Variants in ZNF518A observed in about 807,000 individuals in gnomAD.
ZNF518A encodes zinc finger protein 518A, also known as zinc finger protein 518.
Under a neutral mutation model 102.7 loss-of-function variants are expected in ZNF518A, and 47 were observed. The observed-to-expected ratio is 0.46, with a 90% CI of 0.36 to 0.58. ZNF518A has a LOEUF of 0.58. ZNF518A is among the 20% of genes least tolerant of loss of function. ZNF518A has a pLI of 0.00. For synonymous variants in ZNF518A, 652 were observed against 594.6 expected, an observed-to-expected ratio of 1.10 and a Z score of -1.40; for missense variants, 1,793 against 1,699.8, an observed-to-expected ratio of 1.05 and a Z score of -0.96.
chr10:96,146,067 T>C (rs1272212404), intron 3 of ZNF518A, among the ~76,000 whole-genome samples: 2 of 152,226 alleles, frequency 1.3e-5, no homozygotes, highest in Non-Finnish European at 2.9e-5. Flanking sequence ...TCTATCAGTA[T>C]TTGAACAAAT....
intron 1 of ZNF518A, among the ~76,000 whole-genome samples, chr10:96,187,609 ATGTCTAT>A (rs1398801996): frequency 5.9e-5 from 9 of 152,206 alleles, no homozygotes; most frequent in African/African-American, 2.2e-4. Context: ...TAGCTTTTTC[ATGTCTAT>A]TGTCCTTTTG....
At chr10:96,172,770 G>A (rs587607500) in intron 1 of ZNF518A, among the ~76,000 whole-genome samples, 2 of 151,904 alleles carry the variant, frequency 1.3e-5, no homozygotes, top group Admixed American at 1.3e-4. Flanking sequence ...AACAAAAAAG[G>A]AATGAAACCT....
At position 96,160,590 on chromosome 10, in the gene ZNF518A, A is replaced by G. The variant is rs782245330; in HGVS notation, c.4268A>G (p.Lys1423Arg). ...VSSVKERFVL[K>R]LTLKKTSKNN... ...TCTGTGAAAGAAAGATTTGTGCTAA[A>G]ATTAACACTCAAAAAGACAAGCAAA... Residue 1423 changes from lysine (K) to arginine (R), a missense_variant, in exon 6 of 6, where the codon AAA becomes AGA. Transcript: ENST00000316045. The G allele has an allele frequency of 6.2e-7, 1 of 1,612,244 alleles. No individual in the cohort carries two copies. The highest frequency in any genetic ancestry group is 2.2e-5 in the East Asian group (1 of 44,858).
In ZNF518A at chr10:96,156,404, G is replaced by A. The variant is rs2133763879; in HGVS notation, c.82G>A (p.Val28Ile). Residue 28 changes from valine to isoleucine, a missense_variant, in exon 6 of 6, where the codon GTT (valine) becomes ATT (isoleucine). Val to Ile is a conservative substitution (Grantham distance 29, BLOSUM62 3). This residue lies in a region of ZNF518A where 1,741 missense variants were observed against 1,622.6 expected (regional missense o/e 1.07). Transcript: ENST00000316045. ...KKDYDVKNEI[V>I]DRSAPKPKIS... ...AGATTATGATGTGAAAAATGAGATA[G>A]TTGATAGGTCGGCACCTAAACCAAA... The A allele has an allele frequency of 2.5e-6, 4 of 1,608,180 alleles. No homozygotes were observed. The highest frequency in any genetic ancestry group is 3.4e-6 in the Non-Finnish European group (4 of 1,178,408).
intron 3 of ZNF518A, chr10:96,151,268 G>A (rs1223202801): frequency 6.6e-6 from 1 of 152,184 alleles, no homozygotes; most frequent in Admixed American, 6.5e-5. Flanking sequence ...GAAGTTGAGA[G>A]TTAACCTCAT....
At chr10:96,154,337 A>G (rs1419961817) in intron 3 of ZNF518A, among the ~76,000 whole-genome samples, 15 of 151,946 alleles carry the variant, frequency 9.9e-5, no homozygotes, top group African/African-American at 3.6e-4. Context: ...CCTGTCATCA[A>G]TCTTTTCTTT....
chr10:96,182,740 G>A (rs1028651980), intron 1 of ZNF518A, among the ~76,000 whole-genome samples: 2 of 152,178 alleles, frequency 1.3e-5, no homozygotes, highest in East Asian at 3.8e-4. Flanking sequence ...GTATTTTATT[G>A]AGGATTTTTG....
chr10:96,132,516 A>T (rs781829475), intron 1 of ZNF518A, 70 bp from the exon 2 acceptor site: 3 of 149,568 alleles, frequency 2.0e-5, no homozygotes, highest in Non-Finnish European at 4.4e-5. Context: ...TATACACCTA[A>T]GTTGAATGTG....
rs781960044 is a variant in ZNF518A, at chr10:96,158,153, A to T, written c.1831A>T (p.Asn611Tyr). 1 of 1,613,612 alleles carries T rather than the reference A, an allele frequency of 6.2e-7. No homozygotes were observed. Among genetic ancestry groups the T allele is most frequent in the Non-Finnish European group, 8.5e-7 (1 of 1,179,694 alleles). ...CTGTGTTGCCAAACCAAATGCATAC[A>T]ACAGTGGAGATATGCATAATTATTG... ...VNCVAKPNAYNSGDMHNYCIN... is the reference protein window; with the variant it reads ...VNCVAKPNAYYSGDMHNYCIN... Residue 611 changes from asparagine to tyrosine, a missense_variant, in exon 6 of 6, where the codon AAC becomes TAC. Around this residue, in one of 3 missense-constraint regions of ZNF518A, gnomAD observed 1,741 missense variants for 1,622.6 expected, o/e 1.07. Coordinates refer to ENST00000316045, the MANE Select transcript of ZNF518A (RefSeq NM_001330736.2).
intron 3 of ZNF518A, among the ~76,000 whole-genome samples, chr10:96,147,612 C>A (rs957736674): frequency 5.9e-5 from 9 of 152,258 alleles, no homozygotes; most frequent in African/African-American, 1.9e-4. Flanking sequence ...CGGTTGAAAG[C>A]TTTATGCCAG....
At chr10:96,148,090 C>G (rs2082252225) in intron 3 of ZNF518A, among the ~76,000 whole-genome samples, 3 of 151,814 alleles carry the variant, frequency 2.0e-5, no homozygotes, top group African/African-American at 7.3e-5. Context: ...TTGATGTTCC[C>G]TTTTTGTGGC....
chr10:96,201,756 A>ATTCT (rs1293011723), intron 1 of ZNF518A, among the ~76,000 whole-genome samples: 88 of 152,154 alleles, frequency 5.8e-4, no homozygotes, highest in Admixed American at 1.1e-3. Context: ...TCATTCATTC[A>ATTCT]TTCATTCATT....
In ZNF518A at chr10:96,161,879, G is replaced by A. The variant is rs2083013819; in HGVS notation, c.*1105G>A. The A allele has an allele frequency of 6.0e-6, 1 of 166,942 alleles. No individual in the cohort carries two copies. Among genetic ancestry groups the A allele is most frequent in the Non-Finnish European group, 1.5e-5 (1 of 68,030 alleles). The allele number at this position is 166,942 out of a possible 1,614,324, so 10.3% of individuals were successfully genotyped here. On this transcript the variant is annotated 3_prime_UTR_variant, in exon 6 of 6. Transcript: ENST00000316045. ...GCATTTGCAAAAGGAAGCATCAATA[G>A]TGGACCCAGAGGCAGTGCATAAAAC...
At chr10:96,156,121 G>T (rs782032002) in intron 5 of ZNF518A, 74 bp downstream of exon 5, 47 of 384,214 alleles carry the variant, frequency 1.2e-4, no homozygotes, top group Non-Finnish European at 2.0e-4. Flanking sequence ...TTCCTACTTT[G>T]TGCCAAAATG....
At chr10:96,140,588 A>G (rs1325124851) in intron 3 of ZNF518A, among the ~76,000 whole-genome samples, 1 of 152,166 alleles carries the variant, frequency 6.6e-6, no homozygotes, top group Non-Finnish European at 1.5e-5. Context: ...CTCTTATGTC[A>G]CTTTGGACAA....
rs782437972 is a variant in ZNF518A at position 96,159,404 on chromosome 10, T to C, written c.3082T>C (p.Cys1028Arg). Residue 1028 changes from cysteine (C) to arginine (R), a missense_variant, in exon 6 of 6, where the codon TGT becomes CGT. This residue lies in a region of ZNF518A where 1,741 missense variants were observed against 1,622.6 expected (regional missense o/e 1.07). Transcript: ENST00000316045. The stretch of plus-strand genomic sequence containing the variant: ...CAATAATTGTCTTACACCTGGACTT[T>C]GTTCCAGCATTGGCAGTTGTTTGAG... ...PNNNCLTPGL[C>R]SSIGSCLSMK... The C allele has an allele frequency of 1.9e-6, 3 of 1,613,838 alleles. No individual in the cohort carries two copies. The South Asian group carries it at 3.3e-5, about 18-fold the overall frequency.
chr10:96,174,150 C>G (rs1446662534), intron 1 of ZNF518A, among the ~76,000 whole-genome samples: 1 of 151,890 alleles, frequency 6.6e-6, no homozygotes, highest in Non-Finnish European at 1.5e-5. Context: ...CTTACTGCAA[C>G]AGAACTGTAC....
At position 96,177,963 on chromosome 10, in the gene ZNF518A, CT is replaced by C. The variant is rs1331054412; in HGVS notation, n.35+21917del. ...GTCTATGCATATAGTACCAAAGCTT[CT>C]AAATACATGAAGTAAAAGCGACAGA... On this transcript the variant is annotated intron_variant and non_coding_transcript_variant, in intron 1 of 2. Coordinates refer to the ZNF518A transcript ENST00000442635. Among the ~76,000 whole-genome samples the C allele has an allele frequency of 3.3e-5, 5 of 152,008 alleles. No individual in the cohort carries two copies. The South Asian group carries it at 8.3e-4, about 25-fold the overall frequency.
Position 96,200,655 on chromosome 10 carries a change from T to C in ZNF518A, n.36-2919T>C, listed in dbSNP as rs1450006865. Among the ~76,000 whole-genome samples, 1 of 152,232 alleles carries C rather than the reference T, an allele frequency of 6.6e-6. No individual in the cohort carries two copies. Among genetic ancestry groups the C allele is most frequent in the African/African-American group, 2.4e-5 (1 of 41,470 alleles). ...CTCTGTCCCTTTATAAACTGTGCTG[T>C]CTTATATGTGATTTAATATCATCAG... On this transcript the variant is annotated intron_variant and non_coding_transcript_variant, in intron 1 of 2. Coordinates refer to the ZNF518A transcript ENST00000442635. This position sits in a 1 kb window ranked among gnomAD's most constrained non-coding sequence, Gnocchi z 4.3.
Sources: gnomAD v4.1 joint callset for allele counts (sites outside exome capture counted in the v4.1 genomes callset) on GRCh38, gnomAD v4.1.1 for gene constraint, gnomAD v4.1.1 regional missense constraint, Gnocchi (gnomAD v3.1) non-coding constraint, MANE v1.5 for transcripts, NCBI Gene and HGNC (gene_info 2026-07-23, HGNC 2026-07-21) for gene names.